Variants in CPD observed in about 807,000 individuals in gnomAD.
The protein encoded by CPD is carboxypeptidase D, also known as metallocarboxypeptidase D.
In CPD, 69 loss-of-function variants were observed where a neutral mutation model predicts 138.3. The ratio of observed to expected loss-of-function variants is 0.50; its 90% CI spans 0.41 to 0.61. The LOEUF (loss-of-function observed/expected upper bound fraction) is 0.61. Among genes scored for constraint, CPD ranks in the 20% least tolerant of loss-of-function variants. CPD has a pLI of 0.00. For synonymous variants in CPD, 651 were observed against 642.1 expected, an observed-to-expected ratio of 1.01 and a Z score of -0.21; for missense variants, 1,432 against 1,733.3, an observed-to-expected ratio of 0.83 and a Z score of 3.09.
At chr17:30,443,040 T>A (rs540083125) in intron 10 of CPD, among the ~76,000 whole-genome samples, 2 of 152,258 alleles carry the variant, frequency 1.3e-5, no homozygotes, top group South Asian at 4.1e-4. Flanking sequence ...CATTTTATTC[T>A]GAAAAATTTT....
intron 6 of CPD, 54 bp downstream of exon 6, chr17:30,423,751 T>C: frequency 7.9e-7 from 1 of 1,272,170 alleles, no homozygotes; most frequent in Non-Finnish European, 1.1e-6. Context: ...GAATGATTAT[T>C]TTGATGGAGA....
At chr17:30,462,960 A>G (rs148155400) in intron 20 of CPD, among the ~76,000 whole-genome samples, 3 of 152,344 alleles carry the variant, frequency 2.0e-5, no homozygotes, top group East Asian at 1.9e-4. Flanking sequence ...CACTCATGCT[A>G]TTGTTTGTGG....
chr17:30,455,143 A>G (rs1913261367), intron 14 of CPD, 196 bp from the exon 15 acceptor site: 2 of 535,094 alleles, frequency 3.7e-6, no homozygotes, highest in Non-Finnish European at 6.6e-6. Flanking sequence ...CCTGAAGTAC[A>G]TAATAAAACT....
intron 2 of CPD, among the ~76,000 whole-genome samples, chr17:30,420,558 T>TA (rs1216010740): frequency 6.6e-6 from 1 of 152,210 alleles, no homozygotes; most frequent in Non-Finnish European, 1.5e-5. Flanking sequence ...AAGCTGCTAT[T>TA]ATTATTGTTA....
At chr17:30,433,459 T>C (rs1172410328) in intron 8 of CPD, among the ~76,000 whole-genome samples, 1 of 152,234 alleles carries the variant, frequency 6.6e-6, no homozygotes, top group Non-Finnish European at 1.5e-5. Flanking sequence ...GGTAGACCCA[T>C]GGACATACCT....
At chr17:30,385,605 C>T (rs1267305048) in intron 2 of CPD, among the ~76,000 whole-genome samples, 1 of 152,030 alleles carries the variant, frequency 6.6e-6, no homozygotes, top group Admixed American at 6.6e-5. Context: ...ATAAGTTCCT[C>T]AGCATGTATT....
chr17:30,427,957 C>G (rs982830761), intron 7 of CPD, among the ~76,000 whole-genome samples: 2 of 151,722 alleles, frequency 1.3e-5, no homozygotes, highest in African/African-American at 4.8e-5. Context: ...TCTCCTCTTC[C>G]TCTCATAGTT....
intron 17 of CPD, 137 bp downstream of exon 17, chr17:30,456,663 G>A: frequency 8.3e-6 from 6 of 722,628 alleles, no homozygotes; most frequent in Non-Finnish European, 1.4e-5. Context: ...CCAACATGGT[G>A]AAACCCCATT....
chr17:30,431,882 G>A lies in CPD; in HGVS notation c.2127+1G>A. The A allele has an allele frequency of 6.4e-7, 1 of 1,556,452 alleles. No homozygotes were observed. The highest frequency in any genetic ancestry group is 8.8e-7 in the Non-Finnish European group (1 of 1,135,780). ...ACAAATAGCACTTTCTTATTCCAAG[G>A]TAGGCTTGTCTTTGAATATAAAATG... On this transcript the variant is annotated splice_donor_variant, in intron 8 of 20. Coordinates refer to ENST00000225719, the MANE Select transcript of CPD (RefSeq NM_001304.5). LOFTEE classifies it high-confidence loss of function.
chr17:30,400,345 C>G (rs1012478463), intron 2 of CPD, among the ~76,000 whole-genome samples: 6 of 152,166 alleles, frequency 3.9e-5, no homozygotes, highest in Admixed American at 6.5e-5. Context: ...CCACCATACC[C>G]TTTATCCTCC....
intron 17 of CPD, among the ~76,000 whole-genome samples, chr17:30,460,255 T>C (rs2143509757): frequency 6.6e-6 from 1 of 152,238 alleles, no homozygotes; most frequent in East Asian, 1.9e-4. Context: ...GCCACAGAAG[T>C]TTAAGAATGG....
rs1321676996 is a variant in CPD, at chr17:30,467,553, GA to G, written c.*2742del. The G allele has an allele frequency of 6.6e-6, 1 of 152,140 alleles. No homozygotes were observed. The highest frequency in any genetic ancestry group is 1.5e-5 in the Non-Finnish European group (1 of 68,004). The allele number at this position is 152,140 out of a possible 1,614,324, so 9.4% of individuals were successfully genotyped here. On this transcript the variant is annotated 3_prime_UTR_variant, in exon 21 of 21. Coordinates refer to ENST00000225719, the MANE Select transcript of CPD (RefSeq NM_001304.5). The stretch of plus-strand genomic sequence containing the variant: ...TGGGACTTTGTCATCTTCCAGAAAG[GA>G]AACATATTGTATATTTGGCCCAGTG...
In CPD at chr17:30,451,864, G is replaced by A; in HGVS notation, c.3205+18G>A. The A allele has an allele frequency of 6.2e-7, 1 of 1,612,354 alleles. No individual in the cohort carries two copies. Among genetic ancestry groups the A allele is most frequent in the Non-Finnish European group, 8.5e-7 (1 of 1,178,950 alleles). ...CTTCACAAGTAAGACTAATTTTTAGGCTACTAAAGTACTTAGGAGATAATT... is the reference window on the plus strand; with the variant it reads ...CTTCACAAGTAAGACTAATTTTTAGACTACTAAAGTACTTAGGAGATAATT... On this transcript the variant is annotated intron_variant, in intron 14 of 20. Transcript: ENST00000225719.
intron 2 of CPD, among the ~76,000 whole-genome samples, chr17:30,404,488 A>G (rs760342069): frequency 1.6e-4 from 24 of 152,104 alleles, no homozygotes; most frequent in Non-Finnish European, 3.2e-4. Flanking sequence ...CCCATTTTAT[A>G]TCATAATTTA....
intron 20 of CPD, among the ~76,000 whole-genome samples, chr17:30,462,672 AG>A (rs1480946571): frequency 4.6e-5 from 7 of 152,120 alleles, no homozygotes; most frequent in African/African-American, 1.7e-4. Flanking sequence ...AGCTCCATCA[AG>A]GAGACCCTAA....
At chr17:30,459,477 G>T (rs979316190) in intron 17 of CPD, among the ~76,000 whole-genome samples, 3 of 151,570 alleles carry the variant, frequency 2.0e-5, no homozygotes, top group Admixed American at 6.6e-5. Context: ...GCGGTGTTTG[G>T]TTTTTTGTCC....
At position 30,451,798 on chromosome 17, in the gene CPD, A is replaced by T; in HGVS notation, c.3157A>T (p.Ile1053Leu). ...RAQEKDCTSK[I>L]GQTNARGKDL... ...TCAAGAGAAAGACTGTACTTCAAAA[A>T]TAGGACAAACAAATGCTCGTGGCAA... The change falls in exon 14 of 21, where the codon ATA (isoleucine) becomes TTA (leucine). Residue 1053 changes from isoleucine to leucine, a missense_variant. By Grantham distance (5) the Ile-to-Leu change is conservative (BLOSUM62 2). Around this residue, in one of 6 missense-constraint regions of CPD, gnomAD observed 366 missense variants for 518.8 expected, o/e 0.71. Transcript: ENST00000225719. 1 of 1,614,146 alleles carries T rather than the reference A, an allele frequency of 6.2e-7. No individual in the cohort carries two copies.
intron 20 of CPD, among the ~76,000 whole-genome samples, chr17:30,463,346 A>G (rs1913544992): frequency 6.6e-6 from 1 of 152,208 alleles, no homozygotes. Flanking sequence ...AAGTTCTGAG[A>G]GAGGGAGGAA....
At chr17:30,398,260 A>G (rs1323935756) in intron 2 of CPD, among the ~76,000 whole-genome samples, 2 of 152,152 alleles carry the variant, frequency 1.3e-5, no homozygotes, top group Admixed American at 6.5e-5. Context: ...ATAGAATAGA[A>G]TAATAATAGA....
Sources: gnomAD v4.1 joint callset for allele counts (sites outside exome capture counted in the v4.1 genomes callset) on GRCh38, gnomAD v4.1.1 for gene constraint, gnomAD v4.1.1 regional missense constraint, MANE v1.5 for transcripts, NCBI Gene and HGNC (gene_info 2026-07-23, HGNC 2026-07-21) for gene names.